The following FAM184B variants were observed in gnomAD, a reference collection of about 807,000 sequenced individuals.
The protein encoded by FAM184B is family with sequence similarity 184 member B, also known as protein FAM184B.
In FAM184B, 111 loss-of-function variants were observed where a neutral mutation model predicts 135.9. The ratio of observed to expected loss-of-function variants is 0.82; its 90% CI spans 0.70 to 0.96. The LOEUF is 0.96. Among genes scored for constraint, FAM184B ranks in the 40% least tolerant of loss-of-function variants. The pLI, the probability that FAM184B is intolerant of heterozygous loss-of-function variation, is 0.00. For missense variants in FAM184B, 1,375 were observed against 1,323.9 expected (o/e 1.04, Z -0.60); for synonymous variants, 552 against 524.8 (o/e 1.05, Z -0.71).
intron 1 of FAM184B, among the ~76,000 whole-genome samples, chr4:17,760,926 G>A (rs946997310): frequency 5.3e-5 from 8 of 152,198 alleles, no homozygotes; most frequent in African/African-American, 1.7e-4. Flanking sequence ...CTTCCACCTT[G>A]AATGGACAAG....
chr4:17,756,897 TG>T (rs1232469191), intron 1 of FAM184B, among the ~76,000 whole-genome samples: 1 of 152,104 alleles, frequency 6.6e-6, no homozygotes, highest in African/African-American at 2.4e-5. Flanking sequence ...GCACTCAGCC[TG>T]GGTGATAGAG....
intron 1 of FAM184B, among the ~76,000 whole-genome samples, chr4:17,729,970 C>T (rs1717736843): frequency 6.6e-6 from 1 of 152,040 alleles, no homozygotes; most frequent in South Asian, 2.1e-4. Context: ...CTACTCCGAG[C>T]TACAGGAGGA....
chr4:17,634,131 A>G (rs1577238509), intron 16 of FAM184B: 1 of 333,352 alleles, frequency 3.0e-6, no homozygotes, highest in Non-Finnish European at 5.3e-6. Context: ...GTGTTTTGCA[A>G]CTCAATTTTG....
chr4:17,693,365 C>T lies in FAM184B; in HGVS notation c.1425G>A (p.Glu475=). Reference sequence around the variant, plus strand: ...CTTTCTCTTCTTCCAGCTGCTTTATCTCCTTTTCTGATTTCTTCCTCACTT... The same window carrying T: ...CTTTCTCTTCTTCCAGCTGCTTTATTTCCTTTTCTGATTTCTTCCTCACTT... ...LEEVRKKSEK[E]IKQLEEEKAA... is the part of the protein sequence containing the mutation. The change falls in exon 6 of 18, where the codon GAG becomes GAA. Residue 475 remains glutamate (E), a synonymous_variant. Coordinates refer to ENST00000265018, the MANE Select transcript of FAM184B (RefSeq NM_015688.2). 1 of 1,551,732 alleles carries T rather than the reference C, an allele frequency of 6.4e-7. No individual in the cohort carries two copies. Among genetic ancestry groups the T allele is most frequent in the South Asian group, 1.2e-5 (1 of 84,050 alleles).
intron 7 of FAM184B, among the ~76,000 whole-genome samples, chr4:17,677,922 C>T (rs1404979852): frequency 1.3e-5 from 2 of 152,186 alleles, no homozygotes; most frequent in East Asian, 1.9e-4. Flanking sequence ...AAAAAAATCA[C>T]ATGATCATCT....
At chr4:17,737,551 A>T (rs1208598293) in intron 1 of FAM184B, among the ~76,000 whole-genome samples, 1 of 152,228 alleles carries the variant, frequency 6.6e-6, no homozygotes, top group Non-Finnish European at 1.5e-5. Context: ...AAACATATTC[A>T]TAGAATTTTA....
intron 7 of FAM184B, among the ~76,000 whole-genome samples, chr4:17,673,224 G>A (rs764099912): frequency 1.3e-5 from 2 of 151,998 alleles, no homozygotes; most frequent in South Asian, 2.1e-4. Flanking sequence ...AAACCACAAC[G>A]TGATACCACC....
intron 1 of FAM184B, among the ~76,000 whole-genome samples, chr4:17,751,271 G>A (rs1298369144): frequency 7.3e-6 from 1 of 137,466 alleles, no homozygotes; most frequent in South Asian, 2.3e-4. Context: ...TCCCACCACT[G>A]CCTCCAGCCT....
Position 17,645,823 on chromosome 4 carries a change from A to G in FAM184B, c.2346+1814T>C, listed in dbSNP as rs554660941. On this transcript the variant is annotated intron_variant, in intron 12 of 17. Transcript: ENST00000265018. Reference sequence around the variant, plus strand: ...GAATGGGAGAAAATTTTTGCAATCTACTCATCTGACAAAGGGCTAATATCC... The same window carrying G: ...GAATGGGAGAAAATTTTTGCAATCTGCTCATCTGACAAAGGGCTAATATCC... Among the ~76,000 whole-genome samples, 319 of 152,174 alleles carry G rather than the reference A, an allele frequency of 2.1e-3. 1 individual carries two copies. The highest frequency in any genetic ancestry group is 4.1e-3 in the Non-Finnish European group (278 of 67,972).
intron 1 of FAM184B, among the ~76,000 whole-genome samples, chr4:17,721,618 A>G (rs566210484): frequency 1.3e-5 from 2 of 152,232 alleles, no homozygotes; most frequent in Admixed American, 1.3e-4. Flanking sequence ...GGGCATTGGC[A>G]GGGAAGAGGA....
At chr4:17,706,002 C>A in intron 3 of FAM184B, 111 bp from the exon 4 acceptor site, 9 of 1,403,494 alleles carry the variant, frequency 6.4e-6, no homozygotes, top group Admixed American at 2.0e-5. Context: ...TGTCCAACAT[C>A]CCCTGTGTAA....
At chr4:17,732,936 A>G (rs1398950034) in intron 1 of FAM184B, among the ~76,000 whole-genome samples, 1 of 152,242 alleles carries the variant, frequency 6.6e-6, no homozygotes, top group African/African-American at 2.4e-5. Flanking sequence ...AAGAATCCTC[A>G]ATAAAATACT....
chr4:17,725,315 T>C (rs1717614771), intron 1 of FAM184B, among the ~76,000 whole-genome samples: 2 of 152,146 alleles, frequency 1.3e-5, no homozygotes, highest in African/African-American at 4.8e-5. Context: ...GGGACACCAT[T>C]TAGATGTGTT....
intron 1 of FAM184B, among the ~76,000 whole-genome samples, chr4:17,780,167 C>T (rs553057086): frequency 7.2e-5 from 11 of 151,898 alleles, no homozygotes; most frequent in Middle Eastern, 3.4e-3. Context: ...GTGAGGTTGG[C>T]GGGACAGGGG....
intron 1 of FAM184B, among the ~76,000 whole-genome samples, chr4:17,775,001 T>C (rs1232340458): frequency 5.2e-5 from 7 of 135,744 alleles, no homozygotes; most frequent in Non-Finnish European, 3.2e-5. Flanking sequence ...TCTTTTTTTT[T>C]TTTTTTTTTT....
intron 8 of FAM184B, among the ~76,000 whole-genome samples, chr4:17,660,992 G>A (rs905706688): frequency 1.3e-5 from 2 of 152,058 alleles, no homozygotes; most frequent in Admixed American, 1.3e-4. Context: ...GACAGACAAT[G>A]GGGACCCCGA....
chr4:17,703,140 T>A (rs1216379977), intron 5 of FAM184B, among the ~76,000 whole-genome samples: 2 of 152,198 alleles, frequency 1.3e-5, no homozygotes, highest in Non-Finnish European at 2.9e-5. Flanking sequence ...ATGAGGTACT[T>A]TATAAAGTAT....
In FAM184B at chr4:17,654,581, G is replaced by A. The variant is rs141093043; in HGVS notation, c.2038-1598C>T. ...GAGGTGATGGAAGAGGCAGGATTGT[G>A]ACCCATGAGTGATGGAGTCCAGGGC... On this transcript the variant is annotated intron_variant, in intron 10 of 17. Coordinates refer to ENST00000265018, the MANE Select transcript of FAM184B (RefSeq NM_015688.2). 3.7e-3 allele frequency among the ~76,000 whole-genome samples: 562 copies of A among 152,360 alleles called. 6 individuals are homozygous for A. Among genetic ancestry groups the A allele is most frequent in the South Asian group, 0.025 (121 of 4,834 alleles).
intron 12 of FAM184B, among the ~76,000 whole-genome samples, chr4:17,642,790 G>C (rs144240329): frequency 1.3e-5 from 2 of 152,200 alleles, no homozygotes; most frequent in Non-Finnish European, 2.9e-5. Context: ...TAGGTGCCAC[G>C]TGAATGCTTG....
Sources: gnomAD v4.1 joint callset for allele counts (sites outside exome capture counted in the v4.1 genomes callset) on GRCh38, gnomAD v4.1.1 for gene constraint, MANE v1.5 for transcripts, NCBI Gene and HGNC (gene_info 2026-07-23, HGNC 2026-07-21) for gene names.